Variants in OTUD7A observed in about 807,000 individuals in gnomAD.
OTUD7A encodes the protein OTU deubiquitinase 7A.
In OTUD7A, 12 loss-of-function variants were observed where a neutral mutation model predicts 65.7. The observed-to-expected ratio is 0.18, with a 90% CI of 0.12 to 0.30. OTUD7A has a LOEUF of 0.30. OTUD7A is among the 10% of genes least tolerant of loss of function. OTUD7A has a pLI of 1.00. For synonymous variants in OTUD7A, 641 were observed against 586.3 expected (o/e 1.09, Z -1.35); for missense variants, 1,148 against 1,304.8 (o/e 0.88, Z 1.85).
chr15:31,745,750 C>A (rs1389929940), intron 1 of OTUD7A, among the ~76,000 whole-genome samples: 4 of 151,984 alleles, frequency 2.6e-5, no homozygotes, highest in Admixed American at 2.6e-4. Context: ...ATAGACAAAT[C>A]CCCAAATGAG....
At chr15:31,535,802 G>A (rs1887782051) in intron 5 of OTUD7A, among the ~76,000 whole-genome samples, 3 of 149,444 alleles carry the variant, frequency 2.0e-5, no homozygotes. Flanking sequence ...TCAGCCTCCC[G>A]AGTAGCTGGG....
chr15:31,718,154 G>A (rs1440398903), intron 1 of OTUD7A, among the ~76,000 whole-genome samples: 1 of 152,172 alleles, frequency 6.6e-6, no homozygotes, highest in African/African-American at 2.4e-5. Context: ...TGTTGATGAT[G>A]CTTATGTTGA....
intron 3 of OTUD7A, among the ~76,000 whole-genome samples, chr15:31,572,837 C>T (rs540812612): frequency 6.6e-6 from 1 of 150,900 alleles, no homozygotes. Context: ...GTAAAGTAGA[C>T]AAAACAGAAA....
intron 1 of OTUD7A, among the ~76,000 whole-genome samples, chr15:31,713,922 G>T (rs2648222): frequency 0.98 from 136,237 of 139,424 alleles, 66,663 homozygotes; most frequent in East Asian, 1. Context: ...GAAATTAAAT[G>T]AAAATGAAAA....
intron 1 of OTUD7A, among the ~76,000 whole-genome samples, chr15:31,799,114 G>C (rs1209526246): frequency 2.0e-5 from 3 of 152,148 alleles, no homozygotes; most frequent in African/African-American, 2.4e-5. Flanking sequence ...GTGAGTCTGG[G>C]GTGGATCCTT....
intron 5 of OTUD7A, among the ~76,000 whole-genome samples, chr15:31,540,779 A>C (rs762076987): frequency 3.9e-5 from 6 of 152,190 alleles, no homozygotes; most frequent in Non-Finnish European, 7.3e-5. Flanking sequence ...TTTGGCTTAA[A>C]AGGTACCTTT....
In OTUD7A at chr15:31,480,252, A is replaced by C. The variant is rs2041097352; in HGVS notation, c.*3042T>G. On this transcript the variant is annotated 3_prime_UTR_variant, in exon 13 of 13. Transcript: ENST00000307050. ...TAAAGTCTACCAACAGAATACACTGAAAAACACCTTCCCTTAACAATATTT... is the reference window on the plus strand; with the variant it reads ...TAAAGTCTACCAACAGAATACACTGCAAAACACCTTCCCTTAACAATATTT... 1 of 152,260 alleles carries C rather than the reference A, an allele frequency of 6.6e-6. No individual in the cohort carries two copies. Among genetic ancestry groups the C allele is most frequent in the South Asian group, 2.1e-4 (1 of 4,832 alleles). 9.4% of individuals were successfully genotyped at this position (152,260 alleles called of 1,614,324 possible).
intron 1 of OTUD7A, among the ~76,000 whole-genome samples, chr15:31,837,824 A>C (rs941265694): frequency 2.0e-5 from 3 of 152,252 alleles, no homozygotes; most frequent in African/African-American, 7.2e-5. Flanking sequence ...TAGCTAAAAT[A>C]ACTTTGAAAA....
chr15:31,768,883 A>G (rs1325343483), intron 1 of OTUD7A, among the ~76,000 whole-genome samples: 3 of 152,220 alleles, frequency 2.0e-5, no homozygotes, highest in Non-Finnish European at 4.4e-5. Context: ...AAGAGAATAT[A>G]AAAACAGAAA....
chr15:31,543,375 A>C (rs988203026), intron 5 of OTUD7A, among the ~76,000 whole-genome samples: 1 of 151,914 alleles, frequency 6.6e-6, no homozygotes, highest in African/African-American at 2.4e-5. Context: ...ATGTGTAAGG[A>C]GAGAATAAAC....
In OTUD7A at chr15:31,484,454, C is replaced by A. The variant is rs143552707; in HGVS notation, c.1642G>T (p.Gly548Cys). ...GCGGAGTTGGCGCGGCCCATCTTGC[C>A]GTGCACCAGGCCGCCGAGGCCGCCC... ...NMGGLGGLVH[G>C]KMGRANSANG... is the part of the protein sequence containing the mutation. The change falls in exon 13 of 13, where the codon GGC becomes TGC. Residue 548 changes from glycine (G) to cysteine (C), a missense_variant. Transcript: ENST00000307050. The surrounding 1 kb of genome is among the most constrained non-coding windows in gnomAD (Gnocchi z 4.5). The A allele has an allele frequency of 8.7e-6, 14 of 1,604,794 alleles. No individual in the cohort carries two copies. The highest frequency in any genetic ancestry group is 2.2e-5 in the East Asian group (1 of 44,848).
chr15:31,559,360 A>C (rs1341147733), intron 4 of OTUD7A, among the ~76,000 whole-genome samples, 173 bp from the exon 5 acceptor site: 1 of 152,204 alleles, frequency 6.6e-6, no homozygotes, highest in Non-Finnish European at 1.5e-5. Flanking sequence ...ATATGTGCAC[A>C]CATATGAACA....
At chr15:31,506,736 C>T (rs1335941253) in intron 8 of OTUD7A, among the ~76,000 whole-genome samples, 1 of 152,018 alleles carries the variant, frequency 6.6e-6, no homozygotes, top group Non-Finnish European at 1.5e-5. Context: ...TTTTTTCTTG[C>T]CATGAGAGGC....
chr15:31,590,462 T>A (rs190689966), intron 3 of OTUD7A, among the ~76,000 whole-genome samples: 1 of 151,240 alleles, frequency 6.6e-6, no homozygotes, highest in African/African-American at 2.4e-5. Flanking sequence ...TATACACATA[T>A]ACAATAATAA....
chr15:31,563,974 A>G (rs1178187486), intron 4 of OTUD7A, among the ~76,000 whole-genome samples: 1 of 152,226 alleles, frequency 6.6e-6, no homozygotes. Flanking sequence ...GGAAACTGTT[A>G]AAGAAAGGCA....
At chr15:31,853,891 C>A (rs967841077) in intron 1 of OTUD7A, among the ~76,000 whole-genome samples, 2 of 152,218 alleles carry the variant, frequency 1.3e-5, no homozygotes, top group African/African-American at 4.8e-5. Flanking sequence ...GCATGGGAAT[C>A]AGGCACAGAA....
chr15:31,837,180 T>C (rs1000258067), intron 1 of OTUD7A, among the ~76,000 whole-genome samples: 4 of 152,158 alleles, frequency 2.6e-5, no homozygotes, highest in Non-Finnish European at 5.9e-5. Context: ...TGTTTCTATA[T>C]ACTAGCAATG....
chr15:31,478,419 T>C lies in OTUD7A; in HGVS notation c.*4875A>G, dbSNP rs1470774383. 1.4e-4 allele frequency: 22 copies of C among 152,262 alleles called. No individual in the cohort carries two copies. The highest frequency in any genetic ancestry group is 1.4e-3 in the Admixed American group (22 of 15,284). The allele number at this position is 152,262 out of a possible 1,614,324, so 9.4% of individuals were successfully genotyped here. A position where few individuals can be genotyped will look rare whatever the true frequency, so the allele number is the denominator to read the frequency against. The stretch of plus-strand genomic sequence containing the variant: ...CAAGCAATGTGCATCATTCTGTATG[T>C]ACATAATTAGGATTAGTGAGGCCCC... On this transcript the variant is annotated 3_prime_UTR_variant, in exon 13 of 13. Transcript: ENST00000307050.
At chr15:31,598,353 G>A (rs901168196) in intron 3 of OTUD7A, among the ~76,000 whole-genome samples, 2 of 152,144 alleles carry the variant, frequency 1.3e-5, no homozygotes, top group African/African-American at 4.8e-5. Flanking sequence ...CACAGAGGGC[G>A]AGCCGAAGCA....
Sources: gnomAD v4.1 joint callset for allele counts (sites outside exome capture counted in the v4.1 genomes callset) on GRCh38, gnomAD v4.1.1 for gene constraint, Gnocchi (gnomAD v3.1) non-coding constraint, MANE v1.5 for transcripts, NCBI Gene and HGNC (gene_info 2026-07-23, HGNC 2026-07-21) for gene names.